SEMA3A: variants seen among roughly 807,000 people sequenced by gnomAD.
SEMA3A encodes semaphorin 3A, also known as semaphorin-3A.
A neutral mutation model predicts 97.9 loss-of-function variants in SEMA3A; 29 were observed. The observed-to-expected ratio is 0.30, with a 90% confidence interval of 0.22 to 0.40. The LOEUF (loss-of-function observed/expected upper bound fraction) is 0.40, where lower values mean the gene tolerates loss of function less well. Among genes scored for constraint, SEMA3A ranks in the 10% least tolerant of loss-of-function variants. The probability of loss-of-function intolerance (pLI) is 1.00; values close to 1 mark genes in which losing one functional copy is unlikely to be tolerated. For missense variants in SEMA3A, 763 were observed against 951.3 expected, an observed-to-expected ratio of 0.80 and a Z score of 2.60; for synonymous variants, 321 against 323.7, an observed-to-expected ratio of 0.99 and a Z score of 0.09.
At chr7:84,134,676 C>T (rs550244506) in intron 2 of SEMA3A, 118 bp downstream of exon 2, 30 of 718,740 alleles carry the variant, frequency 4.2e-5, no homozygotes, top group Non-Finnish European at 5.6e-5. Flanking sequence ...TCAGAAAAGA[C>T]AAACTATTAA....
chr7:84,132,396 G>C (rs1795987333), intron 2 of SEMA3A, among the ~76,000 whole-genome samples: 1 of 151,652 alleles, frequency 6.6e-6, no homozygotes, highest in African/African-American at 2.4e-5. Flanking sequence ...AATTTTCTTA[G>C]CTGTAAGATT....
At chr7:83,998,203 GTGATTTTGTCAT>G (rs1366888998) in intron 12 of SEMA3A, among the ~76,000 whole-genome samples, 1 of 151,982 alleles carries the variant, frequency 6.6e-6, no homozygotes, top group African/African-American at 2.4e-5. Context: ...GCATCATTAT[GTGATTTTGTCAT>G]TGTGCGAAAA....
intron 3 of SEMA3A, among the ~76,000 whole-genome samples, chr7:84,291,935 C>T (rs554724078): frequency 1.4e-4 from 21 of 152,112 alleles, no homozygotes; most frequent in Non-Finnish European, 3.1e-4. Context: ...TTGAAGTGTG[C>T]CCAGTGCATA....
At chr7:84,091,156 G>GAAGA (rs1794565664) in intron 4 of SEMA3A, among the ~76,000 whole-genome samples, 2 of 32,078 alleles carry the variant, frequency 6.2e-5, no homozygotes, top group Non-Finnish European at 1.2e-4. Flanking sequence ...AGGAAGGAAG[G>GAAGA]AAGGAAGGAA....
At chr7:84,173,559 CAAAAAAA>C (rs34919422) in intron 1 of SEMA3A, among the ~76,000 whole-genome samples, 1,004 of 80,680 alleles carry the variant, frequency 0.012, 9 homozygotes, top group African/African-American at 0.044. Context: ...AACTCTGTCT[CAAAAAAA>C]AAAAAAAAAA....
intron 9 of SEMA3A, among the ~76,000 whole-genome samples, chr7:84,010,389 T>C (rs1452492324): frequency 6.6e-6 from 1 of 152,202 alleles, no homozygotes; most frequent in Non-Finnish European, 1.5e-5. Context: ...AGTTTAGTTC[T>C]AGGTTTAAAG....
At chr7:84,311,509 A>T (rs1211607742) in intron 2 of SEMA3A, among the ~76,000 whole-genome samples, 1 of 151,908 alleles carries the variant, frequency 6.6e-6, no homozygotes, top group Non-Finnish European at 1.5e-5. Flanking sequence ...TCTAAACCAG[A>T]TTACAGGGTT....
chr7:84,415,124 A>G (rs1804397081), intron 1 of SEMA3A, among the ~76,000 whole-genome samples: 11 of 152,140 alleles, frequency 7.2e-5, no homozygotes. Context: ...ATATAAAACT[A>G]GAGCAATAAA....
At chr7:84,396,382 G>A (rs1487623241) in intron 1 of SEMA3A, among the ~76,000 whole-genome samples, 1 of 151,706 alleles carries the variant, frequency 6.6e-6, no homozygotes, top group Non-Finnish European at 1.5e-5. Flanking sequence ...TAGTCGTATA[G>A]TAATGTAAAA....
At chr7:84,480,740 C>G (rs1388989228) in intron 1 of SEMA3A, among the ~76,000 whole-genome samples, 1 of 152,094 alleles carries the variant, frequency 6.6e-6, no homozygotes. Context: ...AGTGTTAGAA[C>G]TTTATCAATT....
intron 6 of SEMA3A, among the ~76,000 whole-genome samples, chr7:84,020,988 T>C (rs1791308093): frequency 2.6e-5 from 4 of 152,222 alleles, no homozygotes; most frequent in African/African-American, 9.6e-5. Context: ...ACAAAACTGA[T>C]GTACTGACAT....
At chr7:84,463,744 A>T (rs1236075252) in intron 1 of SEMA3A, among the ~76,000 whole-genome samples, 1 of 152,024 alleles carries the variant, frequency 6.6e-6, no homozygotes, top group African/African-American at 2.4e-5. Flanking sequence ...CTAAAATTGA[A>T]CCTATATAAA....
chr7:84,219,132 C>T (rs773876472), intron 3 of SEMA3A, among the ~76,000 whole-genome samples: 1 of 151,950 alleles, frequency 6.6e-6, no homozygotes, highest in Non-Finnish European at 1.5e-5. Context: ...TAAAATAAAC[C>T]AGTGACAAAA....
chr7:84,375,844 T>A (rs1803083447), intron 1 of SEMA3A, among the ~76,000 whole-genome samples: 1 of 152,122 alleles, frequency 6.6e-6, no homozygotes, highest in Non-Finnish European at 1.5e-5. Flanking sequence ...CTATCCTTAA[T>A]CTGCTCTACA....
rs955390974 is a variant in SEMA3A, at chr7:84,059,743, T to A, written c.547+722A>T. ...ACCCAGAATTTTTTTATGTTTTAGG[T>A]TGTTGGTATGCTCAAAATTTAAAAA... On this transcript the variant is annotated intron_variant, in intron 5 of 16. Transcript: ENST00000265362. Among the ~76,000 whole-genome samples, 13 of 151,704 alleles carry A rather than the reference T, an allele frequency of 8.6e-5. 1 individual carries two copies. The highest frequency in any genetic ancestry group is 1.8e-4 in the Non-Finnish European group (12 of 67,902).
At chr7:84,477,070 A>AT (rs1159152737) in intron 1 of SEMA3A, among the ~76,000 whole-genome samples, 18 of 125,272 alleles carry the variant, frequency 1.4e-4, no homozygotes, top group African/African-American at 5.7e-4. Context: ...GTTAAAAAAA[A>AT]AAAATATATA....
intron 4 of SEMA3A, among the ~76,000 whole-genome samples, chr7:84,079,347 C>G (rs1171490737): frequency 6.6e-6 from 1 of 151,014 alleles, no homozygotes; most frequent in Admixed American, 6.6e-5. Flanking sequence ...ACAAAATTGA[C>G]AAATGGGATC....
chr7:84,050,025 C>G (rs1792542724), intron 5 of SEMA3A, among the ~76,000 whole-genome samples: 1 of 151,276 alleles, frequency 6.6e-6, no homozygotes, highest in Non-Finnish European at 1.5e-5. Context: ...TCATCCATGT[C>G]CCTACAAAGG....
chr7:84,369,107 T>C (rs1214802392), intron 2 of SEMA3A, among the ~76,000 whole-genome samples: 1 of 150,912 alleles, frequency 6.6e-6, no homozygotes, highest in African/African-American at 2.4e-5. Flanking sequence ...AAATCAAAAA[T>C]ATAGAGATGG....
Sources: allele counts gnomAD v4.1 joint callset (sites outside exome capture counted in the v4.1 genomes callset), GRCh38; gene constraint gnomAD v4.1.1; transcripts MANE v1.5; gene names NCBI Gene and HGNC (gene_info 2026-07-23, HGNC 2026-07-21).